SLC4A5: variants seen among roughly 807,000 people sequenced by gnomAD.
SLC4A5 encodes electrogenic sodium bicarbonate cotransporter 4.
A neutral mutation model predicts 120.4 loss-of-function variants in SLC4A5; 96 were observed. That is an observed-to-expected ratio of 0.80 (90% CI 0.68 to 0.94). SLC4A5 has a LOEUF of 0.94. SLC4A5 is among the 40% of genes least tolerant of loss of function. SLC4A5 has a pLI of 0.00. For missense variants in SLC4A5, 1,259 were observed against 1,459.5 expected, an observed-to-expected ratio of 0.86 and a Z score of 2.24; for synonymous variants, 550 against 571.1, an observed-to-expected ratio of 0.96 and a Z score of 0.53.
chr2:74,310,820 A>G lies in SLC4A5; in HGVS notation c.79+4125T>C, dbSNP rs1672783163. On this transcript the variant is annotated intron_variant, in intron 6 of 30. Transcript: ENST00000394019. Reference sequence around the variant, plus strand: ...GGGATAATGCTGACTTCATGGGATTAGTTAGAAAGCATTCCTTCTGCTTCT... The same window carrying G: ...GGGATAATGCTGACTTCATGGGATTGGTTAGAAAGCATTCCTTCTGCTTCT... Among the ~76,000 whole-genome samples, 2 of 152,118 alleles carry G rather than the reference A, an allele frequency of 1.3e-5. 1 individual carries two copies. Among genetic ancestry groups the G allele is most frequent in the South Asian group, 4.1e-4 (2 of 4,834 alleles).
chr2:74,248,820 A>AATCTAAAATAAAAAAAAG lies in SLC4A5; in HGVS notation c.1654-335_1654-334insCTTTTTTTTATTTTAGAT, dbSNP rs1328887514. Among the ~76,000 whole-genome samples the AATCTAAAATAAAAAAAAG allele has an allele frequency of 1.2e-4, 19 of 152,288 alleles. No homozygotes were observed. In the South Asian group the frequency reaches 2.1e-3, roughly 17 times the overall value. The stretch of plus-strand genomic sequence containing the variant: ...TCCATCTGATTATTCATTCATCTAA[A>AATCTAAAATAAAAAAAAG]CATCTGTTTGGTGCTTTTAGAGGTC... On this transcript the variant is annotated intron_variant, in intron 17 of 30. Transcript: ENST00000394019.
intron 15 of SLC4A5, 111 bp downstream of exon 15, chr2:74,252,863 C>G: frequency 2.3e-6 from 3 of 1,309,634 alleles, no homozygotes; most frequent in Non-Finnish European, 3.2e-6. Flanking sequence ...GTTGAGATTA[C>G]AGGCATGAGC....
intron 16 of SLC4A5, among the ~76,000 whole-genome samples, chr2:74,251,315 A>T (rs1231353214): frequency 2.0e-5 from 3 of 152,204 alleles, no homozygotes; most frequent in Admixed American, 6.5e-5. Context: ...CACTGGTATA[A>T]AGCCAAGGGC....
intron 5 of SLC4A5, among the ~76,000 whole-genome samples, chr2:74,316,776 C>G (rs1672977998): frequency 6.6e-6 from 1 of 152,186 alleles, no homozygotes; most frequent in South Asian, 2.1e-4. Context: ...GACTAACCAA[C>G]CCCCTGCTCC....
intron 5 of SLC4A5, chr2:74,319,368 C>T (rs1673041188): frequency 6.6e-6 from 1 of 152,104 alleles, no homozygotes; most frequent in Admixed American, 6.5e-5. Context: ...TATTTTAAAA[C>T]ATTTAGGTTC....
chr2:74,224,119 G>A (rs936453701), intron 28 of SLC4A5, among the ~76,000 whole-genome samples: 1 of 152,110 alleles, frequency 6.6e-6, no homozygotes, highest in African/African-American at 2.4e-5. Flanking sequence ...TCCTTTTGTG[G>A]GGACAGTTTC....
chr2:74,320,680 C>G (rs1490884747), intron 5 of SLC4A5, among the ~76,000 whole-genome samples: 1 of 151,940 alleles, frequency 6.6e-6, no homozygotes, highest in African/African-American at 2.4e-5. Context: ...AGGACTTGCA[C>G]TAAGAAAGAA....
At chr2:74,333,191 C>G (rs541568389) in intron 4 of SLC4A5, among the ~76,000 whole-genome samples, 4 of 152,114 alleles carry the variant, frequency 2.6e-5, no homozygotes, top group Non-Finnish European at 5.9e-5. Flanking sequence ...GGGTAGTGGT[C>G]AGAAATGCTG....
intron 7 of SLC4A5, among the ~76,000 whole-genome samples, chr2:74,293,259 CCTCTGAGAGAGGAAGAGGAGAGAA>C (rs1339294349): frequency 6.6e-6 from 1 of 152,134 alleles, no homozygotes; most frequent in African/African-American, 2.4e-5. Flanking sequence ...CCAAGTGTGC[CCTCTGAGAGAGGAAGAGGAGAGAA>C]TCTGCTGACT....
intron 11 of SLC4A5, 25 bp from the exon 12 acceptor site, chr2:74,259,668 C>T (rs1183156157): frequency 2.0e-5 from 33 of 1,613,600 alleles, no homozygotes; most frequent in Non-Finnish European, 2.8e-5. Context: ...AAAGAAGATC[C>T]ATCAGGGGAA....
intron 25 of SLC4A5, 134 bp downstream of exon 25, chr2:74,231,102 C>CG (rs1169979344): frequency 1.3e-6 from 1 of 749,912 alleles, no homozygotes; most frequent in Non-Finnish European, 2.1e-6. Context: ...CCACCATGCC[C>CG]GGCCAAGACT....
intron 10 of SLC4A5, 133 bp from the exon 11 acceptor site, chr2:74,262,365 T>A: frequency 1.1e-4 from 22 of 204,626 alleles, no homozygotes; most frequent in Non-Finnish European, 1.4e-4. Context: ...AAGAAATTCT[T>A]TTTTTTTTTT....
chr2:74,305,936 G>T (rs1057105736), intron 6 of SLC4A5, among the ~76,000 whole-genome samples: 23 of 152,040 alleles, frequency 1.5e-4, no homozygotes, highest in African/African-American at 5.6e-4. Context: ...ATGTTAGCCA[G>T]GCTGGTCTCG....
At chr2:74,283,366 C>A (rs1403506633) in intron 8 of SLC4A5, among the ~76,000 whole-genome samples, 4 of 152,208 alleles carry the variant, frequency 2.6e-5, no homozygotes, top group African/African-American at 7.2e-5. Flanking sequence ...GTGAATCGAT[C>A]AGCACCGTAA....
At chr2:74,280,796 T>C (rs535882734) in intron 8 of SLC4A5, among the ~76,000 whole-genome samples, 31 of 152,238 alleles carry the variant, frequency 2.0e-4, no homozygotes, top group African/African-American at 5.8e-4. Flanking sequence ...GCAATTCTCC[T>C]GCCTCAGCCT....
chr2:74,249,071 T>C (rs910156708), intron 17 of SLC4A5, among the ~76,000 whole-genome samples: 4 of 152,186 alleles, frequency 2.6e-5, no homozygotes, highest in Admixed American at 2.6e-4. Context: ...TGTATTGTAG[T>C]GTGTTTAGTA....
chr2:74,317,306 A>G (rs1672992821), intron 5 of SLC4A5, among the ~76,000 whole-genome samples: 1 of 152,156 alleles, frequency 6.6e-6, no homozygotes, highest in Non-Finnish European at 1.5e-5. Context: ...GTTGTGTTTG[A>G]AAATTTTTCT....
chr2:74,265,083 A>C (rs1354566079), intron 9 of SLC4A5, 21 bp downstream of exon 9: 1 of 1,605,016 alleles, frequency 6.2e-7, no homozygotes, highest in East Asian at 2.2e-5. Flanking sequence ...GGAGAGATGC[A>C]CACAGTGGCC....
chr2:74,239,369 T>G, exon 21 of SLC4A5: 1 of 1,614,192 alleles, frequency 6.2e-7, no homozygotes. Flanking sequence ...TTTGAACTTC[T>G]TCAGGGTCAG....
Sources: allele counts gnomAD v4.1 joint callset (sites outside exome capture counted in the v4.1 genomes callset), GRCh38; gene constraint gnomAD v4.1.1; transcripts MANE v1.5; gene names NCBI Gene and HGNC (gene_info 2026-07-23, HGNC 2026-07-21).